The following SFMBT1 variants were observed in gnomAD, a reference collection of about 807,000 sequenced individuals.
SFMBT1 encodes the protein scm-like with four MBT domains protein 1.
A neutral mutation model predicts 108.7 loss-of-function variants in SFMBT1; 32 were observed. The ratio of observed to expected loss-of-function variants is 0.29; its 90% confidence interval spans 0.22 to 0.40. SFMBT1 has a LOEUF of 0.40. Ranked by LOEUF, SFMBT1 falls within the 10% of genes least tolerant of loss-of-function variation. SFMBT1 has a pLI of 1.00. For missense variants in SFMBT1, 816 were observed against 1,059.6 expected, an observed-to-expected ratio of 0.77 and a Z score of 3.19; for synonymous variants, 348 against 369.5, an observed-to-expected ratio of 0.94 and a Z score of 0.67.
rs1237847216 is a variant in SFMBT1, at chr3:52,904,042, G to A, written c.*1094C>T. On this transcript the variant is annotated 3_prime_UTR_variant, in exon 21 of 21. Transcript: ENST00000394752. Reference sequence around the variant, plus strand: ...AGGACACTGCTAACAGAAACTCCATGCTCTGCGTTACCCTCCAAAACATGT... The same window carrying A: ...AGGACACTGCTAACAGAAACTCCATACTCTGCGTTACCCTCCAAAACATGT... 6.6e-6 allele frequency: 1 copy of A among 152,122 alleles called. No homozygotes were observed. Among genetic ancestry groups the A allele is most frequent in the Non-Finnish European group, 1.5e-5 (1 of 68,020 alleles). The allele number at this position is 152,122 out of a possible 1,614,324, so 9.4% of individuals were successfully genotyped here. A position where few individuals can be genotyped will look rare whatever the true frequency, so the allele number is the denominator to read the frequency against.
chr3:52,945,142 A>AAAAAAAC (rs1575392334), intron 3 of SFMBT1, among the ~76,000 whole-genome samples: 1 of 147,030 alleles, frequency 6.8e-6, no homozygotes, highest in Non-Finnish European at 1.5e-5. Flanking sequence ...CAATTAAAAA[A>AAAAAAAC]AAAAAAAAAC....
At chr3:53,015,722 C>T (rs1699102672) in intron 1 of SFMBT1, among the ~76,000 whole-genome samples, 2 of 152,164 alleles carry the variant, frequency 1.3e-5, no homozygotes, top group Admixed American at 1.3e-4. Flanking sequence ...AAAATGTCCA[C>T]CATAGGCAAA....
rs1326257687 is a variant in SFMBT1, at chr3:52,926,046, C to T, written c.1116G>A (p.Gln372=). The T allele has an allele frequency of 6.2e-7, 1 of 1,606,762 alleles. No individual in the cohort carries two copies. The highest frequency in any genetic ancestry group is 1.3e-5 in the African/African-American group (1 of 74,252). The change falls in exon 10 of 21, where the codon CAG becomes CAA. Residue 372 remains glutamine, a synonymous_variant. Transcript: ENST00000394752. The part of the protein sequence containing the change: ...LKQCGAEAAP[Q]RCFPPLISEH... The stretch of plus-strand genomic sequence containing the variant: ...GGGTCCTCACCGGAGGGAAGCACCT[C>T]TGGGGAGCAGCTTCAGCACCACACT...
chr3:52,913,169 T>C (rs546009581), intron 15 of SFMBT1, among the ~76,000 whole-genome samples: 5 of 152,318 alleles, frequency 3.3e-5, no homozygotes, highest in African/African-American at 9.6e-5. Flanking sequence ...TAATGCCACA[T>C]AGCCACGGCC....
chr3:52,990,799 C>A (rs530113501), intron 1 of SFMBT1, among the ~76,000 whole-genome samples: 2 of 152,198 alleles, frequency 1.3e-5, no homozygotes, highest in Admixed American at 1.3e-4. Context: ...TCAGATATTA[C>A]GCATAAAACA....
chr3:53,032,267 G>A (rs1033666628), intron 1 of SFMBT1, among the ~76,000 whole-genome samples: 1 of 152,228 alleles, frequency 6.6e-6, no homozygotes, highest in African/African-American at 2.4e-5. Context: ...CTACTTGGGA[G>A]GCTGATGTGG....
At chr3:53,007,124 C>T (rs1698773476) in intron 1 of SFMBT1, among the ~76,000 whole-genome samples, 1 of 152,190 alleles carries the variant, frequency 6.6e-6, no homozygotes. Context: ...ACTCTTGTTT[C>T]AATGATACTA....
intron 1 of SFMBT1, among the ~76,000 whole-genome samples, chr3:52,972,980 C>G (rs1704401394): frequency 6.6e-6 from 1 of 152,072 alleles, no homozygotes; most frequent in Non-Finnish European, 1.5e-5. Context: ...CAAGATCGTA[C>G]CACTGCACTC....
intron 4 of SFMBT1, among the ~76,000 whole-genome samples, chr3:52,940,344 T>C (rs1203279149): frequency 6.6e-6 from 1 of 152,214 alleles, no homozygotes; most frequent in Non-Finnish European, 1.5e-5. Context: ...GACAGCAAAA[T>C]GCTTCTTGAG....
At chr3:52,928,703 G>T (rs1233261770) in intron 8 of SFMBT1, among the ~76,000 whole-genome samples, 6 of 140,222 alleles carry the variant, frequency 4.3e-5, no homozygotes, top group African/African-American at 1.6e-4. Context: ...TAGTTTGTTT[G>T]TTTTTTTTTG....
At chr3:52,983,539 GA>G (rs960282635) in intron 1 of SFMBT1, among the ~76,000 whole-genome samples, 5 of 152,080 alleles carry the variant, frequency 3.3e-5, no homozygotes, top group Admixed American at 2.0e-4. Flanking sequence ...AATGTTAGGA[GA>G]AAAAAACTGA....
chr3:52,922,966 T>C (rs182699723), intron 10 of SFMBT1, among the ~76,000 whole-genome samples: 3 of 152,196 alleles, frequency 2.0e-5, no homozygotes, highest in African/African-American at 7.2e-5. Flanking sequence ...CATAATGATA[T>C]GGATTCAGGT....
intron 10 of SFMBT1, among the ~76,000 whole-genome samples, chr3:52,924,258 G>A (rs983158351): frequency 1.3e-5 from 2 of 152,104 alleles, no homozygotes; most frequent in African/African-American, 4.8e-5. Flanking sequence ...GAAAGAGGAG[G>A]CCATGAGATC....
At position 52,911,274 on chromosome 3, in the gene SFMBT1, T is replaced by C. The variant is rs1474029524; in HGVS notation, c.1731-96A>G. ...AATACACCTAAAAAATATTTTTGCT[T>C]CTTGGAATATTCTATGTCCTTTATA... On this transcript the variant is annotated intron_variant, in intron 16 of 20. Coordinates refer to ENST00000394752, the MANE Select transcript of SFMBT1 (RefSeq NM_016329.4). 3.1e-6 allele frequency: 4 copies of C among 1,290,892 alleles called. No individual in the cohort carries two copies. The African/African-American group carries it at 4.5e-5, about 14-fold the overall frequency. 80.0% of individuals were successfully genotyped at this position (1,290,892 alleles called of 1,614,324 possible). A position where few individuals can be genotyped will look rare whatever the true frequency, so the allele number is the denominator to read the frequency against.
intron 14 of SFMBT1, among the ~76,000 whole-genome samples, chr3:52,915,610 G>A (rs893309783): frequency 4.6e-5 from 7 of 152,186 alleles, no homozygotes; most frequent in Non-Finnish European, 7.4e-5. Flanking sequence ...CAACAAGCAC[G>A]TGGAAGTTAA....
At chr3:52,979,077 A>G (rs1439069372) in intron 1 of SFMBT1, among the ~76,000 whole-genome samples, 1 of 152,184 alleles carries the variant, frequency 6.6e-6, no homozygotes, top group Non-Finnish European at 1.5e-5. Context: ...TAAACTTTAA[A>G]TAAGTGAGTT....
intron 2 of SFMBT1, 96 bp downstream of exon 2, chr3:52,969,005 G>C (rs2245424): frequency 0.64 from 921,745 of 1,445,504 alleles, 298,219 homozygotes; most frequent in Middle Eastern, 0.69. Context: ...ACTTCAAAGA[G>C]CTTCCAGTTC....
At chr3:53,017,357 T>G (rs1336730625) in intron 1 of SFMBT1, among the ~76,000 whole-genome samples, 1 of 152,250 alleles carries the variant, frequency 6.6e-6, no homozygotes, top group Non-Finnish European at 1.5e-5. Flanking sequence ...TAGTGACACT[T>G]ATTTTTTATT....
At chr3:52,953,297 C>A (rs1703655330) in intron 3 of SFMBT1, among the ~76,000 whole-genome samples, 1 of 152,134 alleles carries the variant, frequency 6.6e-6, no homozygotes, top group East Asian at 1.9e-4. Flanking sequence ...ACCATCTCTA[C>A]TAAAAATTAG....
Sources: allele counts gnomAD v4.1 joint callset (sites outside exome capture counted in the v4.1 genomes callset), GRCh38; gene constraint gnomAD v4.1.1; transcripts MANE v1.5; gene names NCBI Gene and HGNC (gene_info 2026-07-23, HGNC 2026-07-21).